The following ATXN1 variants were observed in gnomAD, a reference collection of about 807,000 sequenced individuals.
ATXN1 encodes the protein ataxin-1.
A neutral mutation model predicts 56.4 loss-of-function variants in ATXN1; 8 were observed. The ratio of observed to expected loss-of-function variants is 0.14; its 90% CI spans 0.08 to 0.26. The LOEUF is 0.26. Ranked by LOEUF, ATXN1 falls within the 10% of genes least tolerant of loss-of-function variation. The pLI is 1.00. For missense variants in ATXN1, 987 were observed against 1,106.5 expected, an observed-to-expected ratio of 0.89 and a Z score of 1.53; for synonymous variants, 514 against 494.6, an observed-to-expected ratio of 1.04 and a Z score of -0.52.
chr6:16,615,264 A>G (rs1763186922), intron 3 of ATXN1: 2 of 149,980 alleles, frequency 1.3e-5, no homozygotes, highest in Non-Finnish European at 3.0e-5. Context: ...CAGCTTGCCC[A>G]TTTGTATGGA....
chr6:16,474,781 C>G (rs1760291385), intron 6 of ATXN1, among the ~76,000 whole-genome samples: 1 of 151,954 alleles, frequency 6.6e-6, no homozygotes, highest in South Asian at 2.1e-4. Context: ...TCCCCAGTGA[C>G]TGAAAGCTCC....
rs967559414 is a variant in ATXN1 at position 16,364,125 on chromosome 6, C to G, written c.-160-35655G>C. 3.9e-5 allele frequency among the ~76,000 whole-genome samples: 6 copies of G among 152,192 alleles called. No individual in the cohort carries two copies. The East Asian group carries it at 1.2e-3, about 29-fold the overall frequency. On this transcript the variant is annotated intron_variant, in intron 6 of 7. Coordinates refer to ENST00000436367, the MANE Select transcript of ATXN1 (RefSeq NM_001128164.2). The stretch of plus-strand genomic sequence containing the variant: ...GCTTAAAGGTAGACCCTGAATGATG[C>G]CTTAAGGACCCCCCACTGTATTTTC...
intron 2 of ATXN1, among the ~76,000 whole-genome samples, chr6:16,696,924 C>T (rs1417382729): frequency 6.6e-6 from 1 of 152,186 alleles, no homozygotes; most frequent in South Asian, 2.1e-4. Context: ...AATCCTTTCT[C>T]GACTCTTCTT....
chr6:16,711,518 T>C (rs575492743), intron 2 of ATXN1, among the ~76,000 whole-genome samples: 1 of 151,494 alleles, frequency 6.6e-6, no homozygotes, highest in Non-Finnish European at 1.5e-5. Context: ...CCAGACTATA[T>C]AAAGAACTCA....
intron 3 of ATXN1, among the ~76,000 whole-genome samples, chr6:16,639,566 A>G (rs1037885596): frequency 6.6e-6 from 1 of 152,194 alleles, no homozygotes; most frequent in African/African-American, 2.4e-5. Flanking sequence ...CGCCTGCCTC[A>G]GCTTCCCAAG....
At chr6:16,346,122 C>G (rs1420620839) in intron 6 of ATXN1, among the ~76,000 whole-genome samples, 1 of 152,132 alleles carries the variant, frequency 6.6e-6, no homozygotes, top group Non-Finnish European at 1.5e-5. Flanking sequence ...GTCACGTGAT[C>G]CCAGCTCACT....
At chr6:16,456,916 C>T (rs947740127) in intron 6 of ATXN1, among the ~76,000 whole-genome samples, 4 of 152,186 alleles carry the variant, frequency 2.6e-5, no homozygotes, top group African/African-American at 4.8e-5. Flanking sequence ...GACTAGCAGA[C>T]CTAACAAAGG....
chr6:16,554,587 G>C (rs1238704775), intron 4 of ATXN1, among the ~76,000 whole-genome samples: 1 of 152,210 alleles, frequency 6.6e-6, no homozygotes, highest in Non-Finnish European at 1.5e-5. Flanking sequence ...GAGTAGCTGA[G>C]ATTACAGGCG....
intron 2 of ATXN1, among the ~76,000 whole-genome samples, chr6:16,741,631 T>TA (rs1199610904): frequency 1.3e-5 from 2 of 152,148 alleles, no homozygotes; most frequent in East Asian, 1.9e-4. Flanking sequence ...TTACACATAT[T>TA]AAAAAACCCT....
chr6:16,329,397 T>TAC (rs1001208899), intron 6 of ATXN1, among the ~76,000 whole-genome samples: 4 of 151,692 alleles, frequency 2.6e-5, no homozygotes, highest in African/African-American at 7.3e-5. Flanking sequence ...CTCTCCCTAA[T>TAC]ACACACACAC....
intron 6 of ATXN1, among the ~76,000 whole-genome samples, chr6:16,454,156 A>G: frequency 6.9e-6 from 1 of 144,924 alleles, no homozygotes; most frequent in East Asian, 2.0e-4. Context: ...AAAAAAAAAC[A>G]GAAGAATTAG....
intron 6 of ATXN1, among the ~76,000 whole-genome samples, chr6:16,449,130 G>A (rs1016855333): frequency 8.6e-5 from 13 of 151,796 alleles, no homozygotes; most frequent in Non-Finnish European, 1.6e-4. Flanking sequence ...AGGTTGTAGC[G>A]CTACCATTGC....
At chr6:16,499,591 C>G (rs1760843157) in intron 5 of ATXN1, among the ~76,000 whole-genome samples, 1 of 152,094 alleles carries the variant, frequency 6.6e-6, no homozygotes, top group Admixed American at 6.6e-5. Flanking sequence ...TGTTTGTGCC[C>G]CTCTAGTGAA....
At chr6:16,500,522 T>C (rs148485251) in intron 5 of ATXN1, among the ~76,000 whole-genome samples, 19 of 152,302 alleles carry the variant, frequency 1.2e-4, no homozygotes, top group African/African-American at 4.6e-4. Context: ...TGTCGGTTAC[T>C]ATTTACCTTT....
chr6:16,685,810 A>C (rs1758905818), intron 2 of ATXN1, among the ~76,000 whole-genome samples: 1 of 152,226 alleles, frequency 6.6e-6, no homozygotes, highest in South Asian at 2.1e-4. Flanking sequence ...ATATAATTTC[A>C]CAAAGCAAAG....
intron 2 of ATXN1, among the ~76,000 whole-genome samples, chr6:16,719,847 G>A (rs941860005): frequency 3.3e-5 from 5 of 152,194 alleles, no homozygotes; most frequent in African/African-American, 1.2e-4. Context: ...ACCACCAGAG[G>A]ATGACAGCGG....
chr6:16,497,047 T>C (rs752951230), intron 5 of ATXN1, among the ~76,000 whole-genome samples: 1 of 152,208 alleles, frequency 6.6e-6, no homozygotes, highest in Admixed American at 6.5e-5. Context: ...AAGTTCATTT[T>C]TGTTACCTTT....
intron 4 of ATXN1, among the ~76,000 whole-genome samples, chr6:16,549,378 TACA>T (rs1229043025): frequency 1.3e-5 from 2 of 152,198 alleles, no homozygotes; most frequent in Non-Finnish European, 2.9e-5. Flanking sequence ...TTACAATGGC[TACA>T]ACATTACTAG....
chr6:16,586,735 C>T (rs746815971), intron 3 of ATXN1, among the ~76,000 whole-genome samples: 5 of 152,100 alleles, frequency 3.3e-5, no homozygotes, highest in East Asian at 1.9e-4. Flanking sequence ...TAAAACATAT[C>T]GGGGCTGGGG....
Sources: allele counts gnomAD v4.1 joint callset (sites outside exome capture counted in the v4.1 genomes callset), GRCh38; gene constraint gnomAD v4.1.1; transcripts MANE v1.5; gene names NCBI Gene and HGNC (gene_info 2026-07-23, HGNC 2026-07-21).